GPHN: variants seen among roughly 807,000 people sequenced by gnomAD.
GPHN encodes gephyrin.
A neutral mutation model predicts 95.5 loss-of-function variants in GPHN; 17 were observed. The ratio of observed to expected loss-of-function variants is 0.18; its 90% CI spans 0.12 to 0.27. GPHN has a LOEUF of 0.27. Ranked by LOEUF, GPHN falls within the 10% of genes least tolerant of loss-of-function variation. The probability of loss-of-function intolerance (pLI) is 1.00; values close to 1 mark genes in which losing one functional copy is unlikely to be tolerated. For synonymous variants in GPHN, 320 were observed against 322.5 expected, an observed-to-expected ratio of 0.99 and a Z score of 0.08; for missense variants, 660 against 978.1, an observed-to-expected ratio of 0.67 and a Z score of 4.34.
At chr14:67,550,460 A>G in the GPHN span, among the ~76,000 whole-genome samples, 5 of 152,344 alleles carry the variant, frequency 3.3e-5, no homozygotes, top group African/African-American at 1.2e-4. Context: ...AAGTGTTTGG[A>G]TTACAGGCGT....
At chr14:66,871,578 A>G (rs1340086754) in intron 4 of GPHN, among the ~76,000 whole-genome samples, 1 of 152,234 alleles carries the variant, frequency 6.6e-6, no homozygotes, top group Non-Finnish European at 1.5e-5. Context: ...TCTCAAAATC[A>G]TAACAGATAG....
the GPHN span, among the ~76,000 whole-genome samples, chr14:67,297,049 T>G: frequency 6.6e-6 from 1 of 152,256 alleles, no homozygotes; most frequent in Non-Finnish European, 1.5e-5. Flanking sequence ...TCACATTATT[T>G]TAACTTGATA....
the GPHN span, chr14:67,650,934 C>A: frequency 1.6e-5 from 26 of 1,611,548 alleles, no homozygotes; most frequent in African/African-American, 3.2e-4. Flanking sequence ...ACACTGTGCA[C>A]TGACATGTTT....
At chr14:67,645,528 T>A in the GPHN span, 1 of 1,200,922 alleles carries the variant, frequency 8.3e-7, no homozygotes, top group East Asian at 2.5e-5. Context: ...CCAGTCTCCA[T>A]CTAGGCCCTG....
At chr14:66,719,328 C>T (rs1288013564) in intron 2 of GPHN, among the ~76,000 whole-genome samples, 3 of 152,126 alleles carry the variant, frequency 2.0e-5, no homozygotes, top group Non-Finnish European at 4.4e-5. Flanking sequence ...TGCCTCTATC[C>T]GTGTATTTCG....
chr14:67,735,127 A>C, the GPHN span: 1 of 800,878 alleles, frequency 1.2e-6, no homozygotes. Flanking sequence ...AATGATAGGC[A>C]TGGGTGTTGA....
At chr14:67,711,167 A>T in the GPHN span, among the ~76,000 whole-genome samples, 1 of 152,234 alleles carries the variant, frequency 6.6e-6, no homozygotes. Flanking sequence ...AGTTATGGTA[A>T]TCTTACTAAA....
chr14:66,751,002 G>A (rs2058342453), intron 2 of GPHN, among the ~76,000 whole-genome samples: 1 of 151,790 alleles, frequency 6.6e-6, no homozygotes, highest in African/African-American at 2.4e-5. Context: ...TGTATTTATA[G>A]CATTCTTTTT....
intron 1 of GPHN, among the ~76,000 whole-genome samples, chr14:66,663,049 T>C (rs894331068): frequency 1.3e-5 from 2 of 152,184 alleles, no homozygotes; most frequent in Non-Finnish European, 2.9e-5. Flanking sequence ...TTGGAAAATA[T>C]ATTTCAGGAT....
At chr14:67,277,371 G>A in the GPHN span, among the ~76,000 whole-genome samples, 1 of 152,164 alleles carries the variant, frequency 6.6e-6, no homozygotes, top group Admixed American at 6.5e-5. Flanking sequence ...TGTTGGACTA[G>A]TGGTTTTCCT....
intron 21 of GPHN, among the ~76,000 whole-genome samples, chr14:67,172,786 C>T (rs1396070625): frequency 6.6e-6 from 1 of 152,150 alleles, no homozygotes; most frequent in Non-Finnish European, 1.5e-5. Flanking sequence ...GACAGCAGTG[C>T]TCCACCAGTC....
At chr14:67,274,379 C>A in the GPHN span, among the ~76,000 whole-genome samples, 4 of 152,072 alleles carry the variant, frequency 2.6e-5, no homozygotes, top group Non-Finnish European at 4.4e-5. Context: ...TTAAATAGGG[C>A]ATCCTTTCCC....
intron 2 of GPHN, among the ~76,000 whole-genome samples, chr14:66,762,921 T>C (rs2058813180): frequency 6.6e-6 from 1 of 152,228 alleles, no homozygotes; most frequent in African/African-American, 2.4e-5. Context: ...GAATCAATTT[T>C]GACCATATTT....
chr14:66,573,485 C>G (rs1406505299), intron 1 of GPHN, among the ~76,000 whole-genome samples: 3 of 148,618 alleles, frequency 2.0e-5, no homozygotes, highest in Non-Finnish European at 4.4e-5. Context: ...CGGAGTCTCG[C>G]TCTGTTGCCC....
intron 1 of GPHN, among the ~76,000 whole-genome samples, chr14:66,675,144 C>A (rs1455597913): frequency 8.1e-6 from 1 of 123,082 alleles, no homozygotes; most frequent in Non-Finnish European, 1.6e-5. Context: ...ATTCTTTTTC[C>A]AGTTTTTTTT....
chr14:67,567,868 C>T, the GPHN span, among the ~76,000 whole-genome samples: 1 of 152,186 alleles, frequency 6.6e-6, no homozygotes, highest in Admixed American at 6.5e-5. Context: ...CTCACGTCAC[C>T]TTTGTTTTCC....
chr14:67,479,968 ATG>A, the GPHN span, among the ~76,000 whole-genome samples: 1 of 152,128 alleles, frequency 6.6e-6, no homozygotes, highest in Admixed American at 6.5e-5. Flanking sequence ...ATCCTGGCTG[ATG>A]CTTTCCACCT....
At chr14:66,651,184 A>G (rs1200336734) in intron 1 of GPHN, among the ~76,000 whole-genome samples, 1 of 152,176 alleles carries the variant, frequency 6.6e-6, no homozygotes, top group Non-Finnish European at 1.5e-5. Context: ...AAAAACAATC[A>G]CCACTGGCAG....
chr14:66,557,376 CTTATAA>C (rs1449365067), intron 1 of GPHN, among the ~76,000 whole-genome samples: 2 of 151,918 alleles, frequency 1.3e-5, no homozygotes, highest in Non-Finnish European at 2.9e-5. Context: ...TGGAGGGGAA[CTTATAA>C]TTTAAGTGAA....
Sources: allele counts gnomAD v4.1 joint callset (sites outside exome capture counted in the v4.1 genomes callset), GRCh38; gene constraint gnomAD v4.1.1; transcripts MANE v1.5; gene names NCBI Gene and HGNC (gene_info 2026-07-23, HGNC 2026-07-21).